Variants in ADGRL1 observed in about 807,000 individuals in gnomAD.
ADGRL1 encodes the protein adhesion G protein-coupled receptor L1.
ADGRL1 carries 31 observed loss-of-function variants against 148.9 expected under a neutral mutation model. The ratio of observed to expected loss-of-function variants is 0.21; its 90% CI spans 0.16 to 0.28. The LOEUF (loss-of-function observed/expected upper bound fraction) is 0.28. ADGRL1 is among the 10% of genes least tolerant of loss of function. The pLI is 1.00. For missense variants in ADGRL1, 1,521 were observed against 2,058.8 expected (o/e 0.74, Z 5.05); for synonymous variants, 937 against 900.3 (o/e 1.04, Z -0.73).
chr19:14,195,582 C>A (rs1220199774), intron 1 of ADGRL1, among the ~76,000 whole-genome samples: 1 of 152,118 alleles, frequency 6.6e-6, no homozygotes, highest in Non-Finnish European at 1.5e-5. Context: ...GCATCTCCTG[C>A]CTCCTGCCCA....
At chr19:14,190,497 C>A (rs995770311) in intron 1 of ADGRL1, among the ~76,000 whole-genome samples, 2 of 151,824 alleles carry the variant, frequency 1.3e-5, no homozygotes, top group African/African-American at 4.8e-5. Context: ...GCACTCCTGG[C>A]GTCAAGCGAT....
At chr19:14,187,597 C>T (rs1427707750) in intron 1 of ADGRL1, among the ~76,000 whole-genome samples, 2 of 140,596 alleles carry the variant, frequency 1.4e-5, no homozygotes, top group Admixed American at 7.1e-5. Context: ...CCCCCAACCG[C>T]GTCTCCCCCC....
intron 18 of ADGRL1, among the ~76,000 whole-genome samples, chr19:14,153,927 C>G (rs368024426): frequency 6.6e-6 from 1 of 150,606 alleles, no homozygotes; most frequent in Admixed American, 6.6e-5. Context: ...GGGGACAGAA[C>G]GAGACTCTGT....
chr19:14,156,280 T>C, intron 16 of ADGRL1, 79 bp from the exon 17 acceptor site: 1 of 1,156,132 alleles, frequency 8.6e-7, no homozygotes, highest in Non-Finnish European at 1.3e-6. Context: ...GGGCCCAGCC[T>C]GGCGAAATCT....
chr19:14,171,495 C>A (rs969560879), intron 3 of ADGRL1, among the ~76,000 whole-genome samples: 5 of 152,202 alleles, frequency 3.3e-5, no homozygotes, highest in African/African-American at 1.2e-4. Context: ...GTGTAGCTGA[C>A]ACTATTATAT....
At chr19:14,200,409 G>A (rs1228442734) in intron 1 of ADGRL1, among the ~76,000 whole-genome samples, 1 of 152,190 alleles carries the variant, frequency 6.6e-6, no homozygotes, top group Non-Finnish European at 1.5e-5. Context: ...GGGGCGTTCT[G>A]GGGCAGGGTC....
intron 1 of ADGRL1, among the ~76,000 whole-genome samples, chr19:14,193,271 C>CAAA (rs34844517): frequency 0.14 from 6,653 of 48,436 alleles, 499 homozygotes; most frequent in South Asian, 0.21. Flanking sequence ...CCCCCACCGC[C>CAAA]AAAAAAAAAA....
At chr19:14,180,557 G>GT (rs1215550814) in intron 2 of ADGRL1, among the ~76,000 whole-genome samples, 1 of 150,988 alleles carries the variant, frequency 6.6e-6, no homozygotes, top group Non-Finnish European at 1.5e-5. Context: ...CGCCTGGCCT[G>GT]TTTGTTTTTT....
intron 1 of ADGRL1, among the ~76,000 whole-genome samples, chr19:14,193,374 C>A (rs1219407550): frequency 6.6e-6 from 1 of 150,738 alleles, no homozygotes; most frequent in African/African-American, 2.4e-5. Flanking sequence ...ATCACTTGAG[C>A]CCTGGAGTTT....
In ADGRL1 at chr19:14,148,051, C is replaced by T. The variant is rs903581618; in HGVS notation, c.*2822G>A. 6.6e-6 allele frequency: 1 copy of T among 151,972 alleles called. No individual in the cohort carries two copies. The highest frequency in any genetic ancestry group is 1.5e-5 in the Non-Finnish European group (1 of 67,874). The allele number at this position is 151,972 out of a possible 1,614,324, so 9.4% of individuals were successfully genotyped here. ...AGAGAAAGGGGAAGGCAAGGGAAAGCCAAAAGAAACCAAAATCCAGAGAAA... is the reference window on the plus strand; with the variant it reads ...AGAGAAAGGGGAAGGCAAGGGAAAGTCAAAAGAAACCAAAATCCAGAGAAA... On this transcript the variant is annotated 3_prime_UTR_variant, in exon 23 of 23. Coordinates refer to ENST00000361434, the MANE Select transcript of ADGRL1 (RefSeq NM_014921.5).
At chr19:14,183,277 G>A (rs1971348892) in intron 2 of ADGRL1, among the ~76,000 whole-genome samples, 1 of 151,808 alleles carries the variant, frequency 6.6e-6, no homozygotes, top group South Asian at 2.1e-4. Flanking sequence ...TGGTCCCAGG[G>A]GCCACAGCGG....
At chr19:14,200,273 G>C (rs1972513476) in intron 1 of ADGRL1, among the ~76,000 whole-genome samples, 1 of 152,194 alleles carries the variant, frequency 6.6e-6, no homozygotes, top group Non-Finnish European at 1.5e-5. Flanking sequence ...GAGGAGAGTG[G>C]GAGGAGGTGA....
At chr19:14,170,613 CAAG>C in intron 4 of ADGRL1, 66 bp downstream of exon 4, 1 of 927,014 alleles carries the variant, frequency 1.1e-6, no homozygotes, top group Non-Finnish European at 1.7e-6. Context: ...TGTGATGGGT[CAAG>C]GTGTCTCCTC....
Position 14,150,730 on chromosome 19 carries a change from G to GGACT in ADGRL1, c.*139_*142dup. 1 of 986,758 alleles carries GGACT rather than the reference G, an allele frequency of 1.0e-6. No homozygotes were observed. Among genetic ancestry groups the GGACT allele is most frequent in the Non-Finnish European group, 1.5e-6 (1 of 683,120 alleles). 61.1% of individuals were successfully genotyped at this position (986,758 alleles called of 1,614,324 possible). ...GCCCCCAGGTTAGAGTCCCCTGAGGGGACTGTAGGGCCCATGGCTGAGGGG... is the reference window on the plus strand; with the variant it reads ...GCCCCCAGGTTAGAGTCCCCTGAGGGGACTGACTGTAGGGCCCATGGCTGAGGGG... On this transcript the variant is annotated 3_prime_UTR_variant, in exon 23 of 23. Transcript: ENST00000361434.
intron 3 of ADGRL1, among the ~76,000 whole-genome samples, chr19:14,172,802 G>A (rs1970568872): frequency 6.6e-6 from 1 of 152,094 alleles, no homozygotes; most frequent in African/African-American, 2.4e-5. Context: ...TGCTGTATTT[G>A]CTCCCTGTCT....
intron 1 of ADGRL1, among the ~76,000 whole-genome samples, chr19:14,189,615 T>C (rs547515148): frequency 6.6e-6 from 1 of 152,324 alleles, no homozygotes; most frequent in African/African-American, 2.4e-5. Context: ...TCATTCCGTT[T>C]TATGGCTGCG....
rs772649282 is a variant in ADGRL1, at chr19:14,151,185, G to A, written c.4098C>T (p.Thr1366=). 11 of 1,610,448 alleles carry A rather than the reference G, an allele frequency of 6.8e-6. No individual in the cohort carries two copies. The African/African-American group carries it at 1.5e-4, about 22-fold the overall frequency. The change falls in exon 23 of 23, where the codon ACC becomes ACT. Residue 1366 remains threonine (T), a synonymous_variant. Transcript: ENST00000361434. ...SESCTAEDGA[T]SRPLSSPPGR... ...CAGGAGGGGAGGAGAGGGGCCGGCT[G>A]GTGGCGCCGTCCTCGGCCGTGCAGC...
In ADGRL1 at chr19:14,152,841, G is replaced by T; in HGVS notation, c.3366C>A (p.His1122Gln). ...GCATGGCTGAGGTCTTGAGGGATCC[G>T]TGAGTGCCCCCGGGTGGGGAGCGGA... ...CCIRSPPGGT[H>Q]GSLKTSAMRS... Residue 1122 changes from histidine (H) to glutamine (Q), a missense_variant, in exon 19 of 23, where the codon CAC (histidine) becomes CAA (glutamine). This residue lies in a region of ADGRL1 where 185 missense variants were observed against 251.7 expected (regional missense o/e 0.74). Transcript: ENST00000361434. This position sits in a 1 kb window ranked among gnomAD's most constrained non-coding sequence, Gnocchi z 6.1. The T allele has an allele frequency of 6.2e-7, 1 of 1,614,164 alleles. No homozygotes were observed. Among genetic ancestry groups the T allele is most frequent in the Non-Finnish European group, 8.5e-7 (1 of 1,180,014 alleles).
chr19:14,174,534 C>T (rs1742024009), intron 3 of ADGRL1, among the ~76,000 whole-genome samples: 1 of 142,568 alleles, frequency 7.0e-6, no homozygotes, highest in Admixed American at 7.3e-5. Flanking sequence ...TGGTAACACA[C>T]ATTTTTTTTT....
Sources: gnomAD v4.1 joint callset for allele counts (sites outside exome capture counted in the v4.1 genomes callset) on GRCh38, gnomAD v4.1.1 for gene constraint, gnomAD v4.1.1 regional missense constraint, Gnocchi (gnomAD v3.1) non-coding constraint, MANE v1.5 for transcripts, NCBI Gene and HGNC (gene_info 2026-07-23, HGNC 2026-07-21) for gene names.